The following MYH10 variants were observed in gnomAD, a reference collection of about 807,000 sequenced individuals.
MYH10 encodes the protein myosin heavy chain 10.
A neutral mutation model predicts 257.8 loss-of-function variants in MYH10; 55 were observed. The ratio of observed to expected loss-of-function variants is 0.21; its 90% CI spans 0.17 to 0.27. The LOEUF is 0.27. Among genes scored for constraint, MYH10 ranks in the 10% least tolerant of loss-of-function variants. The probability of loss-of-function intolerance (pLI) is 1.00; values close to 1 mark genes in which losing one functional copy is unlikely to be tolerated. For missense variants in MYH10, 1,631 were observed against 2,500.6 expected, an observed-to-expected ratio of 0.65 and a Z score of 7.42; for synonymous variants, 854 against 921.7, an observed-to-expected ratio of 0.93 and a Z score of 1.33.
At chr17:8,581,040 T>C (rs1161043998) in intron 4 of MYH10, among the ~76,000 whole-genome samples, 1 of 152,006 alleles carries the variant, frequency 6.6e-6, no homozygotes, top group Admixed American at 6.6e-5. Context: ...GAGAGGTACA[T>C]GCAAAGACCC....
intron 17 of MYH10, among the ~76,000 whole-genome samples, chr17:8,527,384 C>T (rs899726099): frequency 6.6e-6 from 1 of 152,206 alleles, no homozygotes; most frequent in Non-Finnish European, 1.5e-5. Flanking sequence ...CTATCCCTTT[C>T]GGCCAGGCCA....
chr17:8,481,499 C>G, intron 37 of MYH10, 89 bp from the exon 38 acceptor site: 1 of 1,133,330 alleles, frequency 8.8e-7, no homozygotes. Context: ...AGCGACCTTG[C>G]TCCTGTCACT....
Position 8,477,265 on chromosome 17 carries a change from A to C in MYH10, c.5707-217T>G, listed in dbSNP as rs1597582295. ...TCTACAAAGCACACTAGGCCAAAAG[A>C]AATGAAAAAGTACTCAAGACTCTGT... On this transcript the variant is annotated intron_variant, in intron 41 of 42. Coordinates refer to ENST00000360416, the MANE Select transcript of MYH10 (RefSeq NM_001256012.3). The surrounding 1 kb of genome is among the most constrained non-coding windows in gnomAD (Gnocchi z 4.2). Among the ~76,000 whole-genome samples, 1 of 152,168 alleles carries C rather than the reference A, an allele frequency of 6.6e-6. No individual in the cohort carries two copies. Among genetic ancestry groups the C allele is most frequent in the East Asian group, 1.9e-4 (1 of 5,180 alleles).
rs746828333 is a variant in MYH10 at position 8,512,519 on chromosome 17, C to G, written c.2884G>C (p.Val962Leu). 1 of 1,613,680 alleles carries G rather than the reference C, an allele frequency of 6.2e-7. No homozygotes were observed. The highest frequency in any genetic ancestry group is 1.3e-5 in the African/African-American group (1 of 74,850). The change falls in exon 24 of 43, where the codon GTT (valine) becomes CTT (leucine). Residue 962 changes from valine to leucine, a missense_variant. Val to Leu is a conservative substitution (Grantham distance 32). Transcript: ENST00000360416. ...EEILHDLESR[V>L]EEEEERNQIL... is the part of the protein sequence containing the mutation. ...TGGTTTCTTTCTTCTTCTTCTTCAACCCTAGACTCCAAGTCATGTAGAATC... is the reference window on the plus strand; with the variant it reads ...TGGTTTCTTTCTTCTTCTTCTTCAAGCCTAGACTCCAAGTCATGTAGAATC...
intron 21 of MYH10, among the ~76,000 whole-genome samples, chr17:8,515,730 G>A (rs1308726836): frequency 6.6e-6 from 1 of 151,558 alleles, no homozygotes; most frequent in Non-Finnish European, 1.5e-5. Flanking sequence ...TTTTAGTAGA[G>A]ACAGGGTTTC....
intron 40 of MYH10, 54 bp from the exon 41 acceptor site, chr17:8,478,500 G>A: frequency 1.3e-6 from 2 of 1,545,728 alleles, no homozygotes; most frequent in Non-Finnish European, 1.8e-6. Context: ...TTTTGTGTGG[G>A]AAAAAATATT....
At position 8,495,256 on chromosome 17, in the gene MYH10, A is replaced by T. The variant is rs371347726; in HGVS notation, c.3952-15T>A. 4.3e-5 allele frequency: 66 copies of T among 1,518,708 alleles called. No homozygotes were observed. The highest frequency in any genetic ancestry group is 5.7e-5 in the Non-Finnish European group (62 of 1,094,692). 94.1% of individuals were successfully genotyped at this position (1,518,708 alleles called of 1,614,324 possible). ...TCTAGCTCATTCTGTAAGGAGCAGA[A>T]GATTAAATTCAACTCAATAGTAAGC... On this transcript the variant is annotated splice_polypyrimidine_tract_variant and intron_variant, in intron 30 of 42. Transcript: ENST00000360416.
intron 28 of MYH10, among the ~76,000 whole-genome samples, chr17:8,503,198 G>A (rs1414428141): frequency 6.6e-6 from 1 of 152,162 alleles, no homozygotes. Flanking sequence ...CAGGAAAATC[G>A]TTTGAACCCG....
At chr17:8,496,403 CAAG>C (rs1916633211) in intron 30 of MYH10, among the ~76,000 whole-genome samples, 1 of 152,212 alleles carries the variant, frequency 6.6e-6, no homozygotes, top group Non-Finnish European at 1.5e-5. Flanking sequence ...GCTCCAAAGT[CAAG>C]AGGGACTCCT....
rs1336238363 is a variant in MYH10 at position 8,490,685 on chromosome 17, A to T, written c.4672-133T>A. 1.6e-5 allele frequency: 12 copies of T among 731,062 alleles called. No homozygotes were observed. The East Asian group carries it at 1.8e-4, about 11-fold the overall frequency. 45.3% of individuals were successfully genotyped at this position (731,062 alleles called of 1,614,324 possible). On this transcript the variant is annotated intron_variant, in intron 34 of 42. Transcript: ENST00000360416. The surrounding 1 kb of genome is among the most constrained non-coding windows in gnomAD (Gnocchi z 4.1). ...TCCCCCTGGGCCGGCCCCCTGCCAC[A>T]TGCATACACATCCTTCCCTCTCCCC...
intron 21 of MYH10, among the ~76,000 whole-genome samples, chr17:8,514,514 C>T (rs1449275191): frequency 6.6e-6 from 1 of 152,104 alleles, no homozygotes; most frequent in Non-Finnish European, 1.5e-5. Flanking sequence ...CTTCCCACTA[C>T]ACCCTGTCAC....
chr17:8,531,715 G>A (rs974059650), intron 16 of MYH10, among the ~76,000 whole-genome samples: 6 of 151,946 alleles, frequency 3.9e-5, no homozygotes, highest in African/African-American at 1.5e-4. Context: ...AACACAAAAT[G>A]TTTCATACTG....
chr17:8,587,833 T>C (rs990366223), intron 4 of MYH10, among the ~76,000 whole-genome samples: 6 of 152,204 alleles, frequency 3.9e-5, no homozygotes, highest in East Asian at 3.8e-4. Context: ...AGGTTCATAC[T>C]TGAGTTTTCT....
At chr17:8,560,347 T>C (rs549092167) in intron 7 of MYH10, 1 of 241,266 alleles carries the variant, frequency 4.1e-6, no homozygotes, top group South Asian at 6.4e-5. Flanking sequence ...ATTTACCGTA[T>C]ATTTAGTGAA....
intron 31 of MYH10, among the ~76,000 whole-genome samples, chr17:8,494,339 G>GT (rs1375588315): frequency 2.0e-5 from 3 of 152,194 alleles, no homozygotes; most frequent in Admixed American, 2.0e-4. Context: ...CTTCTAAAAT[G>GT]TAAGCACAAA....
At position 8,488,359 on chromosome 17, in the gene MYH10, A is replaced by G. The variant is rs577240705; in HGVS notation, c.4885-765T>C. Among the ~76,000 whole-genome samples, 4 of 152,326 alleles carry G rather than the reference A, an allele frequency of 2.6e-5. No individual in the cohort carries two copies. The East Asian group carries it at 7.7e-4, about 29-fold the overall frequency. ...CTGTCACCAATGATGAGGACCAGAC[A>G]CAGAGCTGTTGAGCTCCAAACCTTA... On this transcript the variant is annotated intron_variant, in intron 35 of 42. Coordinates refer to ENST00000360416, the MANE Select transcript of MYH10 (RefSeq NM_001256012.3).
At chr17:8,570,129 G>T (rs754308399) in intron 6 of MYH10, among the ~76,000 whole-genome samples, 6 of 152,322 alleles carry the variant, frequency 3.9e-5, no homozygotes, top group Admixed American at 6.5e-5. Context: ...TGGCTTTCAT[G>T]AAATGAAATT....
chr17:8,603,182 A>C lies in MYH10; in HGVS notation c.502+1644T>G, dbSNP rs549717358. On this transcript the variant is annotated intron_variant, in intron 3 of 42. Coordinates refer to ENST00000360416, the MANE Select transcript of MYH10 (RefSeq NM_001256012.3). ...TTTTAAATCCTGTTTCTTTTCATCA[A>C]ATGTATCATTATCCCTCCCAGTTTC... Among the ~76,000 whole-genome samples, 6 of 152,274 alleles carry C rather than the reference A, an allele frequency of 3.9e-5. No individual in the cohort carries two copies. In the South Asian group the frequency reaches 1.2e-3, roughly 32 times the overall value.
chr17:8,555,040 G>T (rs1209265018), intron 7 of MYH10, among the ~76,000 whole-genome samples: 1 of 151,378 alleles, frequency 6.6e-6, no homozygotes, highest in Admixed American at 6.6e-5. Context: ...GGAGGCGGAG[G>T]TTGCAGTGAG....
Sources: allele counts gnomAD v4.1 joint callset (sites outside exome capture counted in the v4.1 genomes callset), GRCh38; gene constraint gnomAD v4.1.1; non-coding constraint Gnocchi (gnomAD v3.1); transcripts MANE v1.5; gene names NCBI Gene and HGNC (gene_info 2026-07-23, HGNC 2026-07-21).